Variants in RNF150 observed in about 807,000 individuals in gnomAD.
The protein encoded by RNF150 is ring finger protein 150.
In RNF150, 24 loss-of-function variants were observed where a neutral mutation model predicts 39.3. That is an observed-to-expected ratio of 0.61 (90% CI 0.44 to 0.86). The LOEUF is 0.86. Ranked by LOEUF, RNF150 falls within the 40% of genes least tolerant of loss-of-function variation. The pLI, the probability that RNF150 is intolerant of heterozygous loss-of-function variation, is 0.00. For missense variants in RNF150, 502 were observed against 587.8 expected, an observed-to-expected ratio of 0.85 and a Z score of 1.51; for synonymous variants, 255 against 227.3, an observed-to-expected ratio of 1.12 and a Z score of -1.10.
At chr4:140,902,205 G>T in intron 6 of RNF150, among the ~76,000 whole-genome samples, 1 of 152,260 alleles carries the variant, frequency 6.6e-6, no homozygotes, top group East Asian at 1.9e-4. Flanking sequence ...CACATGGAGA[G>T]ATATTTAAAA....
In RNF150 at chr4:140,913,135, C is replaced by T. The variant is rs188506510; in HGVS notation, c.988-1781G>A. On this transcript the variant is annotated intron_variant, in intron 5 of 6. Transcript: ENST00000515673. ...AATTAGCCAGGTGTGGTGGTGCGCA[C>T]CTGTAGTCCCAGCTACTGGGGAGAC... Among the ~76,000 whole-genome samples, 9 of 152,244 alleles carry T rather than the reference C, an allele frequency of 5.9e-5. No homozygotes were observed. The East Asian group carries it at 1.7e-3, about 29-fold the overall frequency.
At chr4:141,007,911 C>T (rs1412946685) in intron 1 of RNF150, among the ~76,000 whole-genome samples, 1 of 152,164 alleles carries the variant, frequency 6.6e-6, no homozygotes, top group Non-Finnish European at 1.5e-5. Flanking sequence ...AGTGTAAGTA[C>T]ATTTCCATTT....
chr4:140,940,825 T>G (rs1440090231), intron 4 of RNF150, among the ~76,000 whole-genome samples: 1 of 152,174 alleles, frequency 6.6e-6, no homozygotes, highest in East Asian at 1.9e-4. Context: ...AATCCACGAG[T>G]GCTACTCTGG....
At chr4:140,976,162 C>T (rs1363449660) in intron 1 of RNF150, among the ~76,000 whole-genome samples, 2 of 152,058 alleles carry the variant, frequency 1.3e-5, no homozygotes, top group Non-Finnish European at 2.9e-5. Context: ...TATTAAGCCC[C>T]ATTCATTCCA....
intron 1 of RNF150, among the ~76,000 whole-genome samples, chr4:141,186,811 G>T (rs1474684107): frequency 6.6e-6 from 1 of 152,098 alleles, no homozygotes; most frequent in Non-Finnish European, 1.5e-5. Flanking sequence ...CCAGCTCCTG[G>T]ATTCATTGAT....
intron 1 of RNF150, among the ~76,000 whole-genome samples, chr4:140,978,696 G>A (rs1178441982): frequency 6.6e-6 from 1 of 152,084 alleles, no homozygotes; most frequent in African/African-American, 2.4e-5. Flanking sequence ...ATAACTGTAT[G>A]GGGAGTGATG....
Position 140,863,581 on chromosome 4 carries a change from G to C in RNF150, c.*4680C>G, listed in dbSNP as rs1728573888. 6.6e-6 allele frequency: 1 copy of C among 152,078 alleles called. No homozygotes were observed. The highest frequency in any genetic ancestry group is 1.5e-5 in the Non-Finnish European group (1 of 68,028). 9.4% of individuals were successfully genotyped at this position (152,078 alleles called of 1,614,324 possible). On this transcript the variant is annotated 3_prime_UTR_variant, in exon 7 of 7. Transcript: ENST00000515673. ...TCTGAAGGTTATTTCAGAGTTTCTT[G>C]CAAGAGAGAAAACAAATCAGAAAAA...
intron 1 of RNF150, among the ~76,000 whole-genome samples, chr4:141,177,814 C>A (rs1416096138): frequency 6.6e-6 from 1 of 152,132 alleles, no homozygotes; most frequent in Non-Finnish European, 1.5e-5. Context: ...TCACGGATAA[C>A]TCCTTTAGAG....
chr4:140,961,859 C>T (rs1378111786), intron 2 of RNF150, among the ~76,000 whole-genome samples: 1 of 152,010 alleles, frequency 6.6e-6, no homozygotes, highest in Non-Finnish European at 1.5e-5. Context: ...TCATATACCT[C>T]ACAGTATGCA....
At chr4:141,170,639 G>A (rs917490402) in intron 1 of RNF150, among the ~76,000 whole-genome samples, 6 of 151,866 alleles carry the variant, frequency 4.0e-5, no homozygotes, top group African/African-American at 7.3e-5. Context: ...CTTTCATTTC[G>A]ACCTCTGAAA....
chr4:141,141,885 C>G (rs1271379726), intron 1 of RNF150, among the ~76,000 whole-genome samples: 2 of 152,144 alleles, frequency 1.3e-5, no homozygotes, highest in African/African-American at 4.8e-5. Context: ...ATCAGGTCAT[C>G]CAGTTCCACC....
At chr4:140,949,503 A>G in intron 2 of RNF150, 131 bp from the exon 3 acceptor site, 1 of 706,450 alleles carries the variant, frequency 1.4e-6, no homozygotes, top group Admixed American at 2.3e-5. Context: ...AGCAATGACG[A>G]CTAGAAAAGA....
chr4:141,055,956 T>C (rs879626907), intron 1 of RNF150, among the ~76,000 whole-genome samples: 2 of 152,204 alleles, frequency 1.3e-5, no homozygotes, highest in Non-Finnish European at 2.9e-5. Flanking sequence ...TCAGCATTTA[T>C]TAAATACCTA....
At position 141,149,558 on chromosome 4, in the gene RNF150, C is replaced by G. The variant is rs529990929; in HGVS notation, c.-6+63236G>C. Among the ~76,000 whole-genome samples, 5 of 152,278 alleles carry G rather than the reference C, an allele frequency of 3.3e-5. No homozygotes were observed. In the East Asian group the frequency reaches 9.6e-4, roughly 29 times the overall value. Reference sequence around the variant, plus strand: ...AGTTCCATCCAGGTTGATGCAAATGCCATTATTTTGTTCCTTTATATGGCT... The same window carrying G: ...AGTTCCATCCAGGTTGATGCAAATGGCATTATTTTGTTCCTTTATATGGCT... On this transcript the variant is annotated intron_variant, in intron 1 of 7. Coordinates refer to the RNF150 transcript ENST00000420921.
intron 1 of RNF150, among the ~76,000 whole-genome samples, chr4:141,168,106 C>A (rs542829924): frequency 1.6e-4 from 24 of 152,002 alleles, no homozygotes; most frequent in African/African-American, 5.5e-4. Context: ...AGAAAACAAA[C>A]AAACAACCCC....
chr4:141,116,431 C>T (rs1739552751), intron 1 of RNF150, among the ~76,000 whole-genome samples: 2 of 152,136 alleles, frequency 1.3e-5, no homozygotes, highest in Non-Finnish European at 1.5e-5. Context: ...AAATCAAAAC[C>T]ACGATGAGAT....
chr4:140,999,973 A>C (rs1402159992), intron 1 of RNF150, among the ~76,000 whole-genome samples: 3 of 30,232 alleles, frequency 9.9e-5, no homozygotes, highest in Non-Finnish European at 2.9e-4. Flanking sequence ...GAAGAAGAAG[A>C]AGAAAAGAAG....
At chr4:140,906,027 A>G (rs932824117) in intron 6 of RNF150, among the ~76,000 whole-genome samples, 1 of 152,112 alleles carries the variant, frequency 6.6e-6, no homozygotes, top group Non-Finnish European at 1.5e-5. Flanking sequence ...AGTTTTTTGA[A>G]TTACAAGGGA....
intron 1 of RNF150, among the ~76,000 whole-genome samples, chr4:141,150,113 G>T (rs1727272038): frequency 6.6e-6 from 1 of 152,060 alleles, no homozygotes; most frequent in Admixed American, 6.6e-5. Flanking sequence ...TAAAGTTTTT[G>T]CAATGATTCT....
Sources: gnomAD v4.1 joint callset for allele counts (sites outside exome capture counted in the v4.1 genomes callset) on GRCh38, gnomAD v4.1.1 for gene constraint, MANE v1.5 for transcripts, NCBI Gene and HGNC (gene_info 2026-07-23, HGNC 2026-07-21) for gene names.